The following CALN1 variants were observed in gnomAD, a reference collection of about 807,000 sequenced individuals.
CALN1 encodes calcium-binding protein 8.
In CALN1, 17 loss-of-function variants were observed where a neutral mutation model predicts 30.6. That is an observed-to-expected ratio of 0.56 (90% CI 0.38 to 0.83). The LOEUF (loss-of-function observed/expected upper bound fraction) is 0.83. CALN1 is among the 40% of genes least tolerant of loss of function. The pLI is 0.00. For synonymous variants in CALN1, 156 were observed against 131.4 expected (o/e 1.19, Z -1.28); for missense variants, 291 against 354.9 (o/e 0.82, Z 1.45).
At chr7:72,087,582 A>G (rs1805562342) in intron 4 of CALN1, among the ~76,000 whole-genome samples, 1 of 152,224 alleles carries the variant, frequency 6.6e-6, no homozygotes, top group Non-Finnish European at 1.5e-5. Context: ...GCGACAAGAG[A>G]TAATTCCACA....
intron 5 of CALN1, among the ~76,000 whole-genome samples, chr7:71,960,195 A>T (rs1036865293): frequency 2.0e-5 from 3 of 151,100 alleles, no homozygotes; most frequent in Admixed American, 2.0e-4. Context: ...AATAAAATAA[A>T]AAAATAAAAT....
At chr7:72,336,935 C>G in intron 2 of CALN1, 1 of 985,190 alleles carries the variant, frequency 1.0e-6, no homozygotes, top group Non-Finnish European at 1.2e-6. Context: ...GCGCCGGGAC[C>G]TGCACGAGCC....
intron 5 of CALN1, among the ~76,000 whole-genome samples, chr7:71,968,691 T>C (rs529815953): frequency 1.3e-5 from 2 of 150,068 alleles, no homozygotes; most frequent in African/African-American, 4.9e-5. Flanking sequence ...CCCGGGGTGA[T>C]GGAAATATTC....
At chr7:72,107,735 G>A (rs752202981) in intron 3 of CALN1, among the ~76,000 whole-genome samples, 1 of 152,204 alleles carries the variant, frequency 6.6e-6, no homozygotes. Context: ...TATTCACCAT[G>A]CCACGCTAGT....
chr7:71,842,041 T>C (rs1789968401), intron 5 of CALN1, among the ~76,000 whole-genome samples: 1 of 151,858 alleles, frequency 6.6e-6, no homozygotes. Flanking sequence ...CTCCCAGCCC[T>C]TCTTGGTCAA....
chr7:72,448,995 G>A (rs148597370), upstream of CALN1, among the ~76,000 whole-genome samples: 308 of 152,216 alleles, frequency 2.0e-3, 1 homozygote, highest in African/African-American at 7.1e-3. Flanking sequence ...TCCAGGGTAC[G>A]TGCCTTGGAG....
chr7:71,967,639 A>AAAAAAAAAAAAAG (rs555970609), intron 5 of CALN1, among the ~76,000 whole-genome samples: 1 of 142,654 alleles, frequency 7.0e-6, no homozygotes, highest in Non-Finnish European at 1.5e-5. Flanking sequence ...AAAAAAAAAA[A>AAAAAAAAAAAAAG]AAAGAAAGAA....
intron 3 of CALN1, among the ~76,000 whole-genome samples, chr7:72,174,322 G>A (rs1226408257): frequency 6.6e-6 from 1 of 152,068 alleles, no homozygotes; most frequent in Non-Finnish European, 1.5e-5. Context: ...AACACAGTTT[G>A]GCAATGTCTT....
At chr7:72,431,228 C>T (rs1272029697) in intron 1 of CALN1, among the ~76,000 whole-genome samples, 1 of 152,110 alleles carries the variant, frequency 6.6e-6, no homozygotes, top group Non-Finnish European at 1.5e-5. Context: ...CTGAGCCGGG[C>T]ACCAATCTAT....
intron 5 of CALN1, among the ~76,000 whole-genome samples, chr7:71,884,055 A>G (rs1395017999): frequency 6.6e-6 from 1 of 152,130 alleles, no homozygotes; most frequent in Non-Finnish European, 1.5e-5. Flanking sequence ...CTGGGACTAC[A>G]GGTGTGCGCC....
chr7:72,199,078 C>A (rs1488283061), intron 3 of CALN1, among the ~76,000 whole-genome samples: 2 of 152,148 alleles, frequency 1.3e-5, no homozygotes, highest in Admixed American at 6.5e-5. Flanking sequence ...AGTTCGAGAT[C>A]AGCTTGGCCA....
intron 6 of CALN1, among the ~76,000 whole-genome samples, chr7:71,798,079 CAGAG>C (rs1562787716): frequency 1.8e-3 from 165 of 93,786 alleles, no homozygotes; most frequent in African/African-American, 7.5e-3. Flanking sequence ...GAGAGAGAGA[CAGAG>C]AGAGACAGAG....
rs1007865556 is a variant in CALN1 at position 72,331,250 on chromosome 7, G to A, written c.120-52440C>T. Among the ~76,000 whole-genome samples the A allele has an allele frequency of 1.7e-4, 26 of 152,088 alleles. 1 individual carries two copies. Among genetic ancestry groups the A allele is most frequent in the South Asian group, 1.7e-3 (8 of 4,810 alleles). On this transcript the variant is annotated intron_variant, in intron 2 of 6. Coordinates refer to ENST00000395275, the MANE Select transcript of CALN1 (RefSeq NM_031468.4). The stretch of plus-strand genomic sequence containing the variant: ...CCATAATCCCAGCTACTCAAGAGGC[G>A]GGGGCAGAAGAATCGCTTGAACCCA...
intron 2 of CALN1, among the ~76,000 whole-genome samples, chr7:72,362,936 T>C (rs904326669): frequency 6.6e-6 from 1 of 152,216 alleles, no homozygotes; most frequent in Non-Finnish European, 1.5e-5. Context: ...CCCAGGCACC[T>C]GTCCCGTCAC....
intron 4 of CALN1, among the ~76,000 whole-genome samples, chr7:72,103,888 G>T (rs2129541048): frequency 6.6e-6 from 1 of 152,230 alleles, no homozygotes; most frequent in Middle Eastern, 3.4e-3. Context: ...AAGCTTGCGG[G>T]TTATCGTGTC....
At chr7:72,423,372 A>G (rs1296493723) in intron 1 of CALN1, among the ~76,000 whole-genome samples, 2 of 152,186 alleles carry the variant, frequency 1.3e-5, no homozygotes, top group Admixed American at 6.5e-5. Flanking sequence ...AGTAGCATAG[A>G]AAGCCTAGCC....
chr7:72,261,174 G>A (rs1282840461), intron 3 of CALN1, among the ~76,000 whole-genome samples: 1 of 152,116 alleles, frequency 6.6e-6, no homozygotes, highest in Non-Finnish European at 1.5e-5. Flanking sequence ...CAGGTGTGGT[G>A]GCACGCACCT....
intron 5 of CALN1, among the ~76,000 whole-genome samples, chr7:71,934,281 G>C (rs1444377614): frequency 6.6e-6 from 1 of 152,198 alleles, no homozygotes; most frequent in Non-Finnish European, 1.5e-5. Flanking sequence ...GTGGAATAGA[G>C]AAAACTGTGG....
At chr7:71,933,279 T>C (rs1227399916) in intron 5 of CALN1, among the ~76,000 whole-genome samples, 6 of 152,160 alleles carry the variant, frequency 3.9e-5, no homozygotes, top group African/African-American at 1.4e-4. Context: ...CAGGCTTCCC[T>C]GCGTGGTACG....
Sources: allele counts gnomAD v4.1 joint callset (sites outside exome capture counted in the v4.1 genomes callset), GRCh38; gene constraint gnomAD v4.1.1; transcripts MANE v1.5; gene names NCBI Gene and HGNC (gene_info 2026-07-23, HGNC 2026-07-21).